The following RANBP17 variants were observed in gnomAD, a reference collection of about 807,000 sequenced individuals.
The protein encoded by RANBP17 is RAN binding protein 17.
A neutral mutation model predicts 141.2 loss-of-function variants in RANBP17; 158 were observed. The ratio of observed to expected loss-of-function variants is 1.12; its 90% CI spans 0.98 to 1.28. The LOEUF is 1.28. RANBP17 is among the 50% of genes most tolerant of loss of function. The pLI is 0.00. For synonymous variants in RANBP17, 430 were observed against 450.0 expected, an observed-to-expected ratio of 0.96 and a Z score of 0.56; for missense variants, 1,438 against 1,290.7, an observed-to-expected ratio of 1.11 and a Z score of -1.75.
At chr5:170,888,628 C>G (rs1014048044) in intron 3 of RANBP17, among the ~76,000 whole-genome samples, 1 of 152,094 alleles carries the variant, frequency 6.6e-6, no homozygotes, top group Non-Finnish European at 1.5e-5. Context: ...ATATTTTCTA[C>G]ATATCATGCC....
intron 13 of RANBP17, among the ~76,000 whole-genome samples, chr5:170,961,586 A>G (rs1776151077): frequency 6.6e-6 from 1 of 152,172 alleles, no homozygotes; most frequent in Middle Eastern, 3.2e-3. Flanking sequence ...ATGAATCTCA[A>G]AGGTCATGCT....
At chr5:171,135,756 G>A (rs115181349) in intron 14 of RANBP17, among the ~76,000 whole-genome samples, 19 of 152,120 alleles carry the variant, frequency 1.2e-4, no homozygotes, top group Non-Finnish European at 1.5e-4. Context: ...TTAAAATACC[G>A]TATATTGAAT....
chr5:171,199,833 C>T, intron 19 of RANBP17, 60 bp downstream of exon 19: 2 of 982,062 alleles, frequency 2.0e-6, no homozygotes, highest in Non-Finnish European at 3.2e-6. Flanking sequence ...TATCTAGATC[C>T]AGAAAAGGGC....
rs770542195 is a variant in RANBP17, at chr5:171,158,698, C to G, written c.1711-11432C>G. 2.0e-5 allele frequency among the ~76,000 whole-genome samples: 3 copies of G among 151,666 alleles called. No individual in the cohort carries two copies. The South Asian group carries it at 6.2e-4, about 32-fold the overall frequency. ...CTCAATTTTCATGGTCACTTCCTTC[C>G]TTGCTCCCTCTTGGCCCACTTTTCT... On this transcript the variant is annotated intron_variant, in intron 14 of 27. Coordinates refer to ENST00000523189, the MANE Select transcript of RANBP17 (RefSeq NM_022897.5).
chr5:170,922,178 G>C (rs1194784683), intron 11 of RANBP17, among the ~76,000 whole-genome samples: 2 of 152,154 alleles, frequency 1.3e-5, no homozygotes, highest in Non-Finnish European at 2.9e-5. Flanking sequence ...AGCAAATATT[G>C]CTGCCTGATC....
chr5:171,227,555 A>C (rs1187907405), intron 22 of RANBP17, among the ~76,000 whole-genome samples: 1 of 152,258 alleles, frequency 6.6e-6, no homozygotes, highest in Non-Finnish European at 1.5e-5. Context: ...GTGCTGATGG[A>C]GAAGCTGCAG....
chr5:171,001,600 G>T (rs1210823822), intron 14 of RANBP17, among the ~76,000 whole-genome samples: 5 of 152,162 alleles, frequency 3.3e-5, no homozygotes, highest in Admixed American at 3.3e-4. Context: ...TCTGAGAAGG[G>T]CAAGAGGTAA....
chr5:171,230,409 T>G (rs994366251), intron 22 of RANBP17, among the ~76,000 whole-genome samples: 2 of 152,186 alleles, frequency 1.3e-5, no homozygotes, highest in Non-Finnish European at 2.9e-5. Context: ...GTTAAGGAGC[T>G]TTAGGCAGTG....
intron 13 of RANBP17, among the ~76,000 whole-genome samples, chr5:170,961,934 T>C (rs1384763538): frequency 6.6e-6 from 1 of 152,214 alleles, no homozygotes; most frequent in African/African-American, 2.4e-5. Context: ...CCAGATTTTC[T>C]AGGTTGTTTT....
intron 14 of RANBP17, among the ~76,000 whole-genome samples, chr5:171,121,611 G>A (rs1043348867): frequency 6.6e-6 from 1 of 152,194 alleles, no homozygotes; most frequent in Non-Finnish European, 1.5e-5. Flanking sequence ...TGAAGGGCGG[G>A]TTCACACCGG....
intron 7 of RANBP17, 143 bp downstream of exon 7, chr5:170,911,277 G>A: frequency 3.0e-6 from 2 of 660,508 alleles, no homozygotes; most frequent in South Asian, 4.1e-5. Flanking sequence ...GCTGCTGATA[G>A]CTAATATTGA....
At chr5:171,240,335 A>G (rs1215334276) in intron 22 of RANBP17, among the ~76,000 whole-genome samples, 2 of 152,160 alleles carry the variant, frequency 1.3e-5, no homozygotes, top group Non-Finnish European at 2.9e-5. Flanking sequence ...TAAAACAATC[A>G]TCTCTTGAGA....
At chr5:171,103,099 A>C (rs1444613938) in intron 14 of RANBP17, among the ~76,000 whole-genome samples, 1 of 152,198 alleles carries the variant, frequency 6.6e-6, no homozygotes, top group Non-Finnish European at 1.5e-5. Context: ...TTGAGGAGAC[A>C]GTCTGTCCCT....
chr5:171,297,555 T>G (rs1581203577), intron 27 of RANBP17, among the ~76,000 whole-genome samples: 1 of 152,076 alleles, frequency 6.6e-6, no homozygotes. Flanking sequence ...TGCAGACATA[T>G]TCCCTTGACT....
intron 12 of RANBP17, among the ~76,000 whole-genome samples, chr5:170,944,104 G>C (rs886885036): frequency 1.2e-4 from 18 of 151,946 alleles, no homozygotes; most frequent in African/African-American, 3.9e-4. Context: ...AGACCGTATA[G>C]TATTTTTCTT....
At position 171,085,405 on chromosome 5, in the gene RANBP17, T is replaced by C. The variant is rs376378027; in HGVS notation, c.1711-84725T>C. On this transcript the variant is annotated intron_variant, in intron 14 of 27. Coordinates refer to ENST00000523189, the MANE Select transcript of RANBP17 (RefSeq NM_022897.5). ...TTGAAGTCAGGGAGTGTGATGCCTC[T>C]AGCTTTGTTCTTTTGGCTTAGGATT... Among the ~76,000 whole-genome samples, 31 of 80,416 alleles carry C rather than the reference T, an allele frequency of 3.9e-4. 5 individuals are homozygous for C. Among genetic ancestry groups the C allele is most frequent in the Middle Eastern group, 9.8e-3 (1 of 102 alleles). 52.8% of individuals were successfully genotyped at this position (80,416 alleles called of 152,430 possible). A position where few individuals can be genotyped will look rare whatever the true frequency, so the allele number is the denominator to read the frequency against.
intron 12 of RANBP17, among the ~76,000 whole-genome samples, chr5:170,934,493 A>G (rs1229256201): frequency 6.6e-6 from 1 of 152,110 alleles, no homozygotes; most frequent in Admixed American, 6.6e-5. Context: ...AGTGTAAGGC[A>G]GGCCTGGTGG....
chr5:170,897,994 C>T (rs991906094), intron 5 of RANBP17, among the ~76,000 whole-genome samples: 5 of 152,160 alleles, frequency 3.3e-5, no homozygotes, highest in Admixed American at 6.5e-5. Context: ...CACTGTCTTC[C>T]GTAATGGTTA....
intron 14 of RANBP17, among the ~76,000 whole-genome samples, chr5:171,042,616 T>G (rs1660719232): frequency 6.6e-6 from 1 of 152,208 alleles, no homozygotes; most frequent in South Asian, 2.1e-4. Flanking sequence ...AGATTTATAT[T>G]ACAGTAGCAC....
Sources: gnomAD v4.1 joint callset for allele counts (sites outside exome capture counted in the v4.1 genomes callset) on GRCh38, gnomAD v4.1.1 for gene constraint, MANE v1.5 for transcripts, NCBI Gene and HGNC (gene_info 2026-07-23, HGNC 2026-07-21) for gene names.